Variants in MAGI1 observed in about 807,000 individuals in gnomAD.
MAGI1 encodes membrane associated guanylate kinase, WW and PDZ domain containing 1.
Under a neutral mutation model 139.9 loss-of-function variants are expected in MAGI1, and 58 were observed. The observed-to-expected ratio is 0.41, with a 90% CI of 0.34 to 0.52. The LOEUF (loss-of-function observed/expected upper bound fraction) is 0.52, where lower values mean the gene tolerates loss of function less well. MAGI1 is among the 20% of genes least tolerant of loss of function. The pLI, the probability that MAGI1 is intolerant of heterozygous loss-of-function variation, is 0.12. For synonymous variants in MAGI1, 812 were observed against 737.9 expected (o/e 1.10, Z -1.63); for missense variants, 1,874 against 1,901.6 (o/e 0.99, Z 0.27).
intron 1 of MAGI1, among the ~76,000 whole-genome samples, chr3:65,949,809 C>A (rs1382994084): frequency 1.3e-5 from 2 of 152,064 alleles, no homozygotes; most frequent in Non-Finnish European, 2.9e-5. Flanking sequence ...TGGGGCTGGG[C>A]ACGGTGGCAC....
chr3:65,791,064 G>T (rs1398596592), intron 1 of MAGI1, among the ~76,000 whole-genome samples: 1 of 151,918 alleles, frequency 6.6e-6, no homozygotes, highest in Non-Finnish European at 1.5e-5. Context: ...AACAAAGCAA[G>T]ACTCCTCAAA....
At chr3:65,931,128 G>T (rs1168200062) in intron 1 of MAGI1, among the ~76,000 whole-genome samples, 1 of 151,878 alleles carries the variant, frequency 6.6e-6, no homozygotes, top group East Asian at 1.9e-4. Context: ...CACCTGCCAG[G>T]TTCAAGCCAT....
chr3:65,930,639 G>A (rs575473576), intron 1 of MAGI1, among the ~76,000 whole-genome samples: 32 of 152,214 alleles, frequency 2.1e-4, no homozygotes, highest in Admixed American at 1.3e-3. Flanking sequence ...CAGATTGGTC[G>A]GCACAAGAAA....
At chr3:65,726,772 A>C (rs2033656251) in intron 1 of MAGI1, among the ~76,000 whole-genome samples, 1 of 152,076 alleles carries the variant, frequency 6.6e-6, no homozygotes, top group Admixed American at 6.5e-5. Flanking sequence ...TAGGGACCTC[A>C]GAATGGTCTC....
At chr3:65,812,017 C>T (rs2041274256) in intron 1 of MAGI1, among the ~76,000 whole-genome samples, 1 of 151,990 alleles carries the variant, frequency 6.6e-6, no homozygotes, top group African/African-American at 2.4e-5. Flanking sequence ...TTTGCGCAAA[C>T]TCCCACAAAA....
At chr3:65,700,689 T>C (rs2089535802) in intron 1 of MAGI1, among the ~76,000 whole-genome samples, 1 of 152,180 alleles carries the variant, frequency 6.6e-6, no homozygotes, top group Non-Finnish European at 1.5e-5. Flanking sequence ...TGATAATTAG[T>C]AGGGATCAAC....
chr3:65,394,890 G>A (rs1266052217), intron 13 of MAGI1, among the ~76,000 whole-genome samples: 1 of 152,174 alleles, frequency 6.6e-6, no homozygotes, highest in African/African-American at 2.4e-5. Flanking sequence ...TGACACAGGA[G>A]CAGATTTGCA....
chr3:66,030,825 T>C (rs1407915009), intron 1 of MAGI1, among the ~76,000 whole-genome samples: 1 of 152,232 alleles, frequency 6.6e-6, no homozygotes, highest in Non-Finnish European at 1.5e-5. Context: ...TATTCCATTA[T>C]GTAATTACTG....
chr3:65,859,050 T>C (rs961344114), intron 1 of MAGI1, among the ~76,000 whole-genome samples: 29 of 152,144 alleles, frequency 1.9e-4, no homozygotes, highest in Non-Finnish European at 1.5e-5. Context: ...ATGCTAAAAC[T>C]GGCTAGGCAT....
chr3:65,976,251 G>C (rs2065258960), intron 1 of MAGI1, among the ~76,000 whole-genome samples: 1 of 152,194 alleles, frequency 6.6e-6, no homozygotes, highest in South Asian at 2.1e-4. Context: ...TACCTTAAAT[G>C]ATGTAATTAC....
Position 65,507,753 on chromosome 3 carries a change from AT to A in MAGI1, c.431-14123del, listed in dbSNP as rs139173996. Among the ~76,000 whole-genome samples, 1,355 of 152,332 alleles carry A rather than the reference AT, an allele frequency of 8.9e-3. 21 individuals are homozygous for A. The highest frequency in any genetic ancestry group is 0.03 in the African/African-American group (1,258 of 41,556). Reference sequence around the variant, plus strand: ...AGTTCATGTTTCAGTGAGCAATTACATTCTCACATTATGTGGTACTTCTCTG... The same window carrying A: ...AGTTCATGTTTCAGTGAGCAATTACATCTCACATTATGTGGTACTTCTCTG... On this transcript the variant is annotated intron_variant, in intron 2 of 22. Coordinates refer to ENST00000402939, the MANE Select transcript of MAGI1 (RefSeq NM_001033057.2).
chr3:65,354,425 CA>C lies in MAGI1; in HGVS notation c.*1952del, dbSNP rs1940113983. ...CCCATAAGTCAAATAAAGCTATGAA[CA>C]ATGTAATATTTATATATGCATAGTG... On this transcript the variant is annotated 3_prime_UTR_variant, in exon 23 of 23. Transcript: ENST00000402939. 6.6e-6 allele frequency: 1 copy of C among 152,538 alleles called. No individual in the cohort carries two copies. Among genetic ancestry groups the C allele is most frequent in the Non-Finnish European group, 1.5e-5 (1 of 68,014 alleles). 9.4% of individuals were successfully genotyped at this position (152,538 alleles called of 1,614,324 possible).
intron 1 of MAGI1, among the ~76,000 whole-genome samples, chr3:65,747,799 A>G (rs1463235382): frequency 6.6e-6 from 1 of 152,176 alleles, no homozygotes. Context: ...AAACTGCTCT[A>G]AAAAATAAGG....
chr3:66,026,905 A>G (rs1339802177), intron 1 of MAGI1, among the ~76,000 whole-genome samples: 1 of 151,614 alleles, frequency 6.6e-6, no homozygotes, highest in Non-Finnish European at 1.5e-5. Context: ...CTACATTGAC[A>G]TGAGGGCTCC....
chr3:65,526,000 G>C (rs1401949626), intron 2 of MAGI1, among the ~76,000 whole-genome samples: 1 of 152,078 alleles, frequency 6.6e-6, no homozygotes, highest in Non-Finnish European at 1.5e-5. Context: ...ATGGAAAAAG[G>C]CTTCCTAATC....
chr3:65,653,460 G>A (rs145142681), intron 1 of MAGI1, among the ~76,000 whole-genome samples: 152 of 152,266 alleles, frequency 1.0e-3, no homozygotes, highest in African/African-American at 3.5e-3. Context: ...GCAAGCTTCC[G>A]TGTTATCAGG....
intron 2 of MAGI1, among the ~76,000 whole-genome samples, chr3:65,514,969 C>T (rs1397358208): frequency 6.7e-6 from 1 of 149,714 alleles, no homozygotes; most frequent in Non-Finnish European, 1.5e-5. Flanking sequence ...CCATGGAGTA[C>T]TATGCAGCCA....
chr3:65,717,806 C>G (rs1356296454), intron 1 of MAGI1, among the ~76,000 whole-genome samples: 1 of 152,168 alleles, frequency 6.6e-6, no homozygotes, highest in Non-Finnish European at 1.5e-5. Context: ...ATCACAGTGG[C>G]CATGAGGATG....
intron 1 of MAGI1, among the ~76,000 whole-genome samples, chr3:65,875,392 T>C (rs2060077908): frequency 6.6e-6 from 1 of 152,242 alleles, no homozygotes; most frequent in African/African-American, 2.4e-5. Context: ...ATTTGAATTA[T>C]ATCTTAATAA....
Sources: gnomAD v4.1 joint callset for allele counts (sites outside exome capture counted in the v4.1 genomes callset) on GRCh38, gnomAD v4.1.1 for gene constraint, MANE v1.5 for transcripts, NCBI Gene and HGNC (gene_info 2026-07-23, HGNC 2026-07-21) for gene names.